The following ARMH4 variants were observed in gnomAD, a reference collection of about 807,000 sequenced individuals.
The protein encoded by ARMH4 is armadillo like helical domain containing 4.
A neutral mutation model predicts 61.9 loss-of-function variants in ARMH4; 49 were observed. The observed-to-expected ratio is 0.79, with a 90% confidence interval of 0.63 to 1.00. The LOEUF (loss-of-function observed/expected upper bound fraction) is 1.00, where lower values mean the gene tolerates loss of function less well. Ranked by LOEUF, ARMH4 falls within the 50% of genes least tolerant of loss-of-function variation. The probability of loss-of-function intolerance (pLI) is 0.00; values close to 1 mark genes in which losing one functional copy is unlikely to be tolerated. For missense variants in ARMH4, 934 were observed against 930.0 expected, an observed-to-expected ratio of 1.00 and a Z score of -0.06; for synonymous variants, 368 against 341.5, an observed-to-expected ratio of 1.08 and a Z score of -0.85.
intron 5 of ARMH4, among the ~76,000 whole-genome samples, chr14:58,028,065 G>A (rs1019615171): frequency 6.6e-6 from 1 of 152,196 alleles, no homozygotes; most frequent in East Asian, 1.9e-4. Context: ...GGTAGCAACT[G>A]TTCAACTATA....
intron 4 of ARMH4, among the ~76,000 whole-genome samples, chr14:58,104,117 C>T (rs898028829): frequency 6.6e-6 from 1 of 152,306 alleles, no homozygotes; most frequent in South Asian, 2.1e-4. Flanking sequence ...CATAAACTCT[C>T]CCACACACAC....
intron 4 of ARMH4, among the ~76,000 whole-genome samples, chr14:58,097,661 C>A (rs1885799123): frequency 6.6e-6 from 1 of 151,578 alleles, no homozygotes; most frequent in South Asian, 2.1e-4. Context: ...AGTTAACATT[C>A]ACAATTCGTC....
intron 5 of ARMH4, among the ~76,000 whole-genome samples, chr14:58,056,199 T>C (rs563281181): frequency 6.6e-6 from 1 of 152,348 alleles, no homozygotes; most frequent in African/African-American, 2.4e-5. Context: ...CATAGAATCA[T>C]AAAATTTGAG....
chr14:58,012,529 G>A (rs1882447720), intron 5 of ARMH4, among the ~76,000 whole-genome samples: 1 of 152,130 alleles, frequency 6.6e-6, no homozygotes, highest in East Asian at 1.9e-4. Context: ...AGCTCAGTGG[G>A]AATGCTGCGC....
In ARMH4 at chr14:58,106,683, G is replaced by A. The variant is rs527358512; in HGVS notation, c.1832-9702C>T. Among the ~76,000 whole-genome samples the A allele has an allele frequency of 6.5e-4, 99 of 152,188 alleles. No individual in the cohort carries two copies. The South Asian group carries it at 0.017, about 27-fold the overall frequency. ...CACGACGATACTTTGTACTTACATG[G>A]GGCTTTCCTTCCAAGAGACTCAAAC... is the stretch of plus-strand genomic sequence containing the variant. On this transcript the variant is annotated intron_variant, in intron 4 of 7. Transcript: ENST00000267485.
chr14:58,107,089 T>G (rs922656845), intron 4 of ARMH4, among the ~76,000 whole-genome samples: 1 of 152,158 alleles, frequency 6.6e-6, no homozygotes, highest in Non-Finnish European at 1.5e-5. Context: ...TAATAGGCAG[T>G]TCCCACCAAA....
chr14:58,005,537 C>T (rs1264129190), intron 6 of ARMH4, among the ~76,000 whole-genome samples: 2 of 152,068 alleles, frequency 1.3e-5, no homozygotes, highest in African/African-American at 4.8e-5. Flanking sequence ...GCCAGGACTA[C>T]TAAAATGCTA....
At position 58,139,056 on chromosome 14, in the gene ARMH4, A is replaced by C; in HGVS notation, c.303T>G (p.Ala101=). 1 of 1,614,258 alleles carries C rather than the reference A, an allele frequency of 6.2e-7. No homozygotes were observed. The highest frequency in any genetic ancestry group is 8.5e-7 in the Non-Finnish European group (1 of 1,180,054). ...CAGGGCGTTCTGTTTGCATGAGCCC[A>C]GCTTGTCCAGGCTGGGTTTCTTTGT... ...SINKETQPGQ[A]GLMQTERPGV... is the part of the protein sequence containing the mutation. The change falls in exon 2 of 8, where the codon GCT becomes GCG. Residue 101 remains alanine, a synonymous_variant. Coordinates refer to ENST00000267485, the MANE Select transcript of ARMH4 (RefSeq NM_001001872.4).
chr14:58,029,032 CA>C (rs768195991), intron 5 of ARMH4, among the ~76,000 whole-genome samples: 29 of 152,130 alleles, frequency 1.9e-4, no homozygotes, highest in Non-Finnish European at 4.0e-4. Context: ...ATATTTTTAT[CA>C]ACACCCCCCC....
intron 5 of ARMH4, among the ~76,000 whole-genome samples, chr14:58,030,294 C>T (rs1430304767): frequency 6.6e-6 from 1 of 152,162 alleles, no homozygotes; most frequent in Non-Finnish European, 1.5e-5. Context: ...TACAGGCAGG[C>T]CAGCCAGCCT....
At chr14:58,078,936 G>A (rs1885135223) in intron 5 of ARMH4, among the ~76,000 whole-genome samples, 1 of 152,168 alleles carries the variant, frequency 6.6e-6, no homozygotes, top group African/African-American at 2.4e-5. Flanking sequence ...GCAGATGTGT[G>A]AGCAGCTTCT....
intron 5 of ARMH4, among the ~76,000 whole-genome samples, chr14:58,025,876 T>A (rs1883003657): frequency 6.6e-6 from 1 of 152,142 alleles, no homozygotes; most frequent in African/African-American, 2.4e-5. Flanking sequence ...CAGGGCTAAG[T>A]GAACATTAAT....
chr14:58,064,813 T>C (rs549364669), intron 5 of ARMH4, among the ~76,000 whole-genome samples: 3 of 152,196 alleles, frequency 2.0e-5, no homozygotes, highest in Non-Finnish European at 4.4e-5. Context: ...ACAGAAAGTA[T>C]GTTGTCAGCC....
In ARMH4 at chr14:58,141,607, T is replaced by G. The variant is rs184819898; in HGVS notation, c.-56-2193A>C. The G allele has an allele frequency of 1.5e-5, 7 of 461,096 alleles. No individual in the cohort carries two copies. In the East Asian group the frequency reaches 2.1e-4, roughly 14 times the overall value. 28.6% of individuals were successfully genotyped at this position (461,096 alleles called of 1,614,324 possible). On this transcript the variant is annotated intron_variant, in intron 1 of 7. Coordinates refer to ENST00000267485, the MANE Select transcript of ARMH4 (RefSeq NM_001001872.4). ...TTGCCTGCACCCCGGTGCTATCAAC[T>G]GCCACAAGAAGAAATGCGGCCACAC... is the stretch of plus-strand genomic sequence containing the variant.
At chr14:58,100,035 G>A (rs1478512554) in intron 4 of ARMH4, among the ~76,000 whole-genome samples, 1 of 152,154 alleles carries the variant, frequency 6.6e-6, no homozygotes, top group Non-Finnish European at 1.5e-5. Context: ...ATGACTAAAA[G>A]AAGACAAGGT....
At chr14:58,079,623 T>G (rs757068308) in intron 5 of ARMH4, among the ~76,000 whole-genome samples, 6 of 152,232 alleles carry the variant, frequency 3.9e-5, no homozygotes, top group Admixed American at 6.5e-5. Flanking sequence ...CTACTACTGC[T>G]AAATTTACCA....
chr14:58,138,603 AGG>A lies in ARMH4; in HGVS notation c.754_755del (p.Pro252Ter). 2 of 1,614,214 alleles carry A rather than the reference AGG, an allele frequency of 1.2e-6. No homozygotes were observed. The highest frequency in any genetic ancestry group is 1.7e-6 in the Non-Finnish European group (2 of 1,180,026). ...TCATCTGCGAAGGCTTCTCCTTATC[AGG>A]GGTGAGGCTTCCAGGCTCACTGCCT... is the stretch of plus-strand genomic sequence containing the variant. ...TAGSEPGSLTPDKEKPSQMTA... is the reference protein window; with the variant it reads ...TAGSEPGSLTXDKEKPSQMTA... On this transcript the variant is annotated frameshift_variant, in exon 2 of 8. Coordinates refer to ENST00000267485, the MANE Select transcript of ARMH4 (RefSeq NM_001001872.4). LOFTEE classifies it high-confidence loss of function.
At chr14:58,109,218 C>A (rs948547168) in intron 4 of ARMH4, among the ~76,000 whole-genome samples, 22 of 152,196 alleles carry the variant, frequency 1.4e-4, no homozygotes, top group African/African-American at 4.3e-4. Flanking sequence ...TCTAAAAAAA[C>A]TTTATTGTGA....
intron 5 of ARMH4, among the ~76,000 whole-genome samples, chr14:58,014,579 A>G (rs937673153): frequency 3.3e-5 from 5 of 152,198 alleles, no homozygotes; most frequent in Non-Finnish European, 5.9e-5. Flanking sequence ...AAATACGAGT[A>G]TTTTGTAAAT....
Sources: gnomAD v4.1 joint callset for allele counts (sites outside exome capture counted in the v4.1 genomes callset) on GRCh38, gnomAD v4.1.1 for gene constraint, MANE v1.5 for transcripts, NCBI Gene and HGNC (gene_info 2026-07-23, HGNC 2026-07-21) for gene names.